Variants in PLPPR1 observed in about 807,000 individuals in gnomAD.
PLPPR1 encodes phospholipid phosphatase-related protein type 1.
In PLPPR1, 10 loss-of-function variants were observed where a neutral mutation model predicts 33.1. The observed-to-expected ratio is 0.30, with a 90% CI of 0.19 to 0.51. PLPPR1 has a LOEUF of 0.51. Among genes scored for constraint, PLPPR1 ranks in the 20% least tolerant of loss-of-function variants. The pLI, the probability that PLPPR1 is intolerant of heterozygous loss-of-function variation, is 0.97. For synonymous variants in PLPPR1, 151 were observed against 151.0 expected (o/e 1.00, Z 0.00); for missense variants, 304 against 408.1 (o/e 0.74, Z 2.20).
intron 2 of PLPPR1, among the ~76,000 whole-genome samples, chr9:101,224,925 T>G (rs956111506): frequency 1.3e-5 from 2 of 152,222 alleles, no homozygotes; most frequent in Non-Finnish European, 2.9e-5. Flanking sequence ...TAGTATATAA[T>G]TAGCTTTTTA....
intron 2 of PLPPR1, among the ~76,000 whole-genome samples, chr9:101,198,095 T>TAAAAC (rs1193367550): frequency 6.6e-6 from 1 of 152,172 alleles, no homozygotes; most frequent in East Asian, 1.9e-4. Context: ...AAATTGTTCA[T>TAAAAC]TATGTAAAAT....
At chr9:101,304,566 C>T (rs567540294) in intron 4 of PLPPR1, among the ~76,000 whole-genome samples, 2 of 152,240 alleles carry the variant, frequency 1.3e-5, no homozygotes, top group African/African-American at 4.8e-5. Context: ...ATAATGGTAC[C>T]ATACTAGTCT....
rs181223040 is a variant in PLPPR1 at position 101,061,767 on chromosome 9, G to A, written c.-46+32665G>A. The stretch of plus-strand genomic sequence containing the variant: ...ACATAGTTATTGTAACTGGCACATA[G>A]CAGATACAGGTTAATATTTATGGAA... On this transcript the variant is annotated intron_variant, in intron 1 of 7. Transcript: ENST00000374874. Among the ~76,000 whole-genome samples, 64 of 151,982 alleles carry A rather than the reference G, an allele frequency of 4.2e-4. 1 individual carries two copies. The highest frequency in any genetic ancestry group is 3.3e-3 in the Admixed American group (51 of 15,228).
intron 1 of PLPPR1, among the ~76,000 whole-genome samples, chr9:101,065,584 T>G (rs1830401452): frequency 6.6e-6 from 1 of 152,086 alleles, no homozygotes; most frequent in South Asian, 2.1e-4. Context: ...TCAAGCATTC[T>G]GGGATGCTGC....
chr9:101,177,312 G>A (rs976488021), intron 1 of PLPPR1, among the ~76,000 whole-genome samples: 5 of 152,150 alleles, frequency 3.3e-5, no homozygotes, highest in African/African-American at 1.2e-4. Flanking sequence ...TGTTTTCAGT[G>A]CAGATATTTT....
intron 2 of PLPPR1, among the ~76,000 whole-genome samples, chr9:101,256,482 G>C (rs867922703): frequency 6.6e-6 from 1 of 152,088 alleles, no homozygotes; most frequent in Non-Finnish European, 1.5e-5. Context: ...GAGGGTTCAG[G>C]GGGTAAGCAG....
intron 1 of PLPPR1, among the ~76,000 whole-genome samples, chr9:101,151,860 T>C (rs982679748): frequency 6.6e-6 from 1 of 152,196 alleles, no homozygotes; most frequent in Non-Finnish European, 1.5e-5. Flanking sequence ...TAACTTGCCA[T>C]TGGACTTCCT....
intron 1 of PLPPR1, among the ~76,000 whole-genome samples, chr9:101,115,866 GATA>G (rs2118584649): frequency 6.6e-6 from 1 of 152,268 alleles, no homozygotes; most frequent in South Asian, 2.1e-4. Flanking sequence ...AACTAAAAGA[GATA>G]ATAACAGCAA....
intron 1 of PLPPR1, among the ~76,000 whole-genome samples, chr9:101,082,008 T>C (rs1244434677): frequency 1.3e-5 from 2 of 152,234 alleles, no homozygotes; most frequent in Non-Finnish European, 2.9e-5. Context: ...GATGCATCTT[T>C]AGATATTGAA....
chr9:101,253,868 A>G (rs1441830244), intron 2 of PLPPR1, among the ~76,000 whole-genome samples: 1 of 152,132 alleles, frequency 6.6e-6, no homozygotes, highest in Admixed American at 6.6e-5. Context: ...TTAAATATGT[A>G]TATACCCTGA....
intron 1 of PLPPR1, among the ~76,000 whole-genome samples, chr9:101,127,427 A>G (rs997319133): frequency 2.6e-5 from 4 of 152,258 alleles, no homozygotes; most frequent in African/African-American, 9.6e-5. Flanking sequence ...CTGGGAGCCC[A>G]TGCTATTTAT....
intron 4 of PLPPR1, among the ~76,000 whole-genome samples, chr9:101,288,247 C>A (rs1828429340): frequency 6.6e-6 from 1 of 152,088 alleles, no homozygotes; most frequent in Non-Finnish European, 1.5e-5. Context: ...CTTGAGACAC[C>A]ACATTGGAGA....
At chr9:101,166,101 C>T (rs1275318612) in intron 1 of PLPPR1, among the ~76,000 whole-genome samples, 2 of 152,190 alleles carry the variant, frequency 1.3e-5, no homozygotes. Context: ...TATAGCAAGA[C>T]CTACTTGTTC....
chr9:101,127,181 A>G (rs1270434385), intron 1 of PLPPR1, among the ~76,000 whole-genome samples: 1 of 152,226 alleles, frequency 6.6e-6, no homozygotes, highest in Non-Finnish European at 1.5e-5. Flanking sequence ...TCTTTTAGAC[A>G]TCCTCGGGTG....
chr9:101,202,871 T>G (rs1826517936), intron 2 of PLPPR1, among the ~76,000 whole-genome samples: 1 of 152,194 alleles, frequency 6.6e-6, no homozygotes, highest in Non-Finnish European at 1.5e-5. Context: ...ATATAGTCAG[T>G]GTACTTCTGA....
At chr9:101,170,941 TA>T (rs113428592) in intron 1 of PLPPR1, among the ~76,000 whole-genome samples, 1 of 151,468 alleles carries the variant, frequency 6.6e-6, no homozygotes, top group Non-Finnish European at 1.5e-5. Context: ...TCCTGTCTCT[TA>T]AAAAAAAGAA....
At chr9:101,148,760 CA>C in intron 1 of PLPPR1, among the ~76,000 whole-genome samples, 1 of 152,300 alleles carries the variant, frequency 6.6e-6, no homozygotes, top group East Asian at 1.9e-4. Flanking sequence ...CCCAGTCCCA[CA>C]GAGACTCATC....
intron 2 of PLPPR1, among the ~76,000 whole-genome samples, chr9:101,239,728 C>T (rs968117158): frequency 9.2e-5 from 14 of 151,924 alleles, no homozygotes; most frequent in South Asian, 4.2e-4. Context: ...GATGTCTATT[C>T]GGATCATTTG....
At chr9:101,157,459 G>A (rs1273898295) in intron 1 of PLPPR1, among the ~76,000 whole-genome samples, 4 of 152,106 alleles carry the variant, frequency 2.6e-5, no homozygotes, top group Non-Finnish European at 5.9e-5. Flanking sequence ...ATTTAAAAGA[G>A]TCATCAATCC....
Sources: gnomAD v4.1 joint callset for allele counts (sites outside exome capture counted in the v4.1 genomes callset) on GRCh38, gnomAD v4.1.1 for gene constraint, MANE v1.5 for transcripts, NCBI Gene and HGNC (gene_info 2026-07-23, HGNC 2026-07-21) for gene names.